Variants in ARHGAP26 observed in about 807,000 individuals in gnomAD.
The protein encoded by ARHGAP26 is Rho GTPase activating protein 26, also known as rho GTPase-activating protein 26.
A neutral mutation model predicts 104.8 loss-of-function variants in ARHGAP26; 38 were observed. That is an observed-to-expected ratio of 0.36 (90% CI 0.28 to 0.48). The LOEUF (loss-of-function observed/expected upper bound fraction) is 0.48. Ranked by LOEUF, ARHGAP26 falls within the 20% of genes least tolerant of loss-of-function variation. The probability of loss-of-function intolerance (pLI) is 0.99; values close to 1 mark genes in which losing one functional copy is unlikely to be tolerated. For synonymous variants in ARHGAP26, 341 were observed against 340.0 expected (o/e 1.00, Z -0.03); for missense variants, 704 against 947.9 (o/e 0.74, Z 3.38).
At chr5:143,190,658 A>G (rs1805802313) in intron 20 of ARHGAP26, among the ~76,000 whole-genome samples, 1 of 152,252 alleles carries the variant, frequency 6.6e-6, no homozygotes, top group South Asian at 2.1e-4. Context: ...GAAAAAAATT[A>G]ACAAATTGAA....
chr5:142,896,437 C>T (rs949839003), intron 6 of ARHGAP26, among the ~76,000 whole-genome samples: 1 of 152,098 alleles, frequency 6.6e-6, no homozygotes, highest in Non-Finnish European at 1.5e-5. Flanking sequence ...TTGGCTTTTG[C>T]TGAATGGTAT....
intron 18 of ARHGAP26, among the ~76,000 whole-genome samples, chr5:143,124,627 G>A (rs934462335): frequency 6.6e-6 from 1 of 152,206 alleles, no homozygotes; most frequent in African/African-American, 2.4e-5. Flanking sequence ...CCAGCCCCAA[G>A]TTCCAAGAGG....
chr5:142,994,446 G>A (rs1776085495), intron 11 of ARHGAP26, among the ~76,000 whole-genome samples: 1 of 152,136 alleles, frequency 6.6e-6, no homozygotes, highest in African/African-American at 2.4e-5. Context: ...GCTGTTAAGG[G>A]GTGACGCAAC....
intron 1 of ARHGAP26, chr5:142,867,030 C>G (rs773171006): frequency 6.6e-6 from 1 of 152,256 alleles, no homozygotes; most frequent in Non-Finnish European, 1.5e-5. Context: ...CAGGGCCCCT[C>G]TCTCAGTTGC....
intron 11 of ARHGAP26, among the ~76,000 whole-genome samples, chr5:142,964,129 C>T (rs1269698855): frequency 1.3e-5 from 2 of 152,066 alleles, no homozygotes; most frequent in South Asian, 2.1e-4. Context: ...ATATAGGATA[C>T]CTGGCAACTG....
At chr5:143,196,818 T>C (rs916687173) in intron 20 of ARHGAP26, among the ~76,000 whole-genome samples, 1 of 152,240 alleles carries the variant, frequency 6.6e-6, no homozygotes, top group Non-Finnish European at 1.5e-5. Flanking sequence ...CAGCTGGGAA[T>C]GTGCCGTTGG....
chr5:143,187,906 A>G (rs1805381172), intron 20 of ARHGAP26, among the ~76,000 whole-genome samples: 1 of 152,158 alleles, frequency 6.6e-6, no homozygotes, highest in Non-Finnish European at 1.5e-5. Context: ...CTTGACACTG[A>G]TTGTCCCTTC....
intron 20 of ARHGAP26, among the ~76,000 whole-genome samples, chr5:143,163,922 A>T (rs1801591251): frequency 6.6e-6 from 1 of 152,120 alleles, no homozygotes; most frequent in African/African-American, 2.4e-5. Context: ...TAAGAATGAC[A>T]TAGAAAGGAA....
chr5:142,982,424 AG>A (rs2152732426), intron 11 of ARHGAP26, among the ~76,000 whole-genome samples: 1 of 152,306 alleles, frequency 6.6e-6, no homozygotes, highest in East Asian at 1.9e-4. Flanking sequence ...GGGGCAGGAC[AG>A]GGGGTGTCTT....
intron 1 of ARHGAP26, among the ~76,000 whole-genome samples, chr5:142,793,476 T>C (rs1439699314): frequency 6.6e-6 from 1 of 151,912 alleles, no homozygotes; most frequent in Admixed American, 6.6e-5. Flanking sequence ...GAAAAGAGAG[T>C]TGAACCCCTT....
At chr5:142,929,908 C>T (rs535645008) in intron 10 of ARHGAP26, among the ~76,000 whole-genome samples, 27 of 152,282 alleles carry the variant, frequency 1.8e-4, no homozygotes, top group African/African-American at 6.0e-4. Context: ...TAACTTTGCT[C>T]TCTAGGGCAG....
At chr5:143,004,138 G>C (rs1777606587) in intron 11 of ARHGAP26, among the ~76,000 whole-genome samples, 1 of 152,070 alleles carries the variant, frequency 6.6e-6, no homozygotes, top group Non-Finnish European at 1.5e-5. Flanking sequence ...ACACTCATCA[G>C]TGTATAAGTG....
intron 8 of ARHGAP26, among the ~76,000 whole-genome samples, chr5:142,906,181 G>A (rs1180399742): frequency 6.6e-6 from 1 of 152,096 alleles, no homozygotes; most frequent in Non-Finnish European, 1.5e-5. Context: ...ATGTGGTGTC[G>A]ACCTGCCCCT....
chr5:143,014,119 A>T lies in ARHGAP26; in HGVS notation c.1144+3A>T. 1 of 1,614,176 alleles carries T rather than the reference A, an allele frequency of 6.2e-7. No individual in the cohort carries two copies. The highest frequency in any genetic ancestry group is 8.5e-7 in the Non-Finnish European group (1 of 1,179,976). On this transcript the variant is annotated splice_donor_region_variant and intron_variant, in intron 12 of 22. Coordinates refer to ENST00000645722, the MANE Select transcript of ARHGAP26 (RefSeq NM_001135608.3). ...CAAAGACAGCCAGAGTGAAGGGAGT[A>T]AGTACGATGCTTGGGTAACCTTCTA...
intron 14 of ARHGAP26, among the ~76,000 whole-genome samples, chr5:143,053,320 G>C (rs1321234367): frequency 6.6e-6 from 1 of 152,114 alleles, no homozygotes; most frequent in Admixed American, 6.5e-5. Flanking sequence ...GTAAGAAAAG[G>C]GTTGCTCTCC....
intron 21 of ARHGAP26, among the ~76,000 whole-genome samples, chr5:143,211,398 A>G (rs2151380155): frequency 6.6e-6 from 1 of 152,262 alleles, no homozygotes; most frequent in Non-Finnish European, 1.5e-5. Context: ...TCCTTGGGCA[A>G]CAGGAATGGC....
intron 11 of ARHGAP26, among the ~76,000 whole-genome samples, chr5:142,947,308 A>T (rs914352843): frequency 6.6e-6 from 1 of 152,060 alleles, no homozygotes; most frequent in Admixed American, 6.5e-5. Flanking sequence ...TTGTTTGTTC[A>T]TTTGGAGGGA....
intron 11 of ARHGAP26, among the ~76,000 whole-genome samples, chr5:142,966,944 GA>G (rs1771458978): frequency 1.3e-5 from 2 of 152,100 alleles, no homozygotes; most frequent in Non-Finnish European, 2.9e-5. Context: ...GCCAATAAAT[GA>G]AAAATATATG....
chr5:142,823,137 G>T (rs1766525585), intron 1 of ARHGAP26, among the ~76,000 whole-genome samples: 1 of 152,194 alleles, frequency 6.6e-6, no homozygotes, highest in African/African-American at 2.4e-5. Flanking sequence ...CTTGGTCAGT[G>T]TCATTCAGCT....
Sources: allele counts gnomAD v4.1 joint callset (sites outside exome capture counted in the v4.1 genomes callset), GRCh38; gene constraint gnomAD v4.1.1; transcripts MANE v1.5; gene names NCBI Gene and HGNC (gene_info 2026-07-23, HGNC 2026-07-21).